The following SUFU variants were observed in gnomAD, a reference collection of about 807,000 sequenced individuals.
SUFU encodes SUFU negative regulator of hedgehog signaling.
A neutral mutation model predicts 58.9 loss-of-function variants in SUFU; 7 were observed. The observed-to-expected ratio is 0.12, with a 90% CI of 0.07 to 0.22. SUFU has a LOEUF of 0.22. SUFU is among the 10% of genes least tolerant of loss of function. The probability of loss-of-function intolerance (pLI) is 1.00; values close to 1 mark genes in which losing one functional copy is unlikely to be tolerated. For missense variants in SUFU, 451 were observed against 641.3 expected (o/e 0.70, Z 3.20); for synonymous variants, 232 against 254.8 (o/e 0.91, Z 0.85).
intron 8 of SUFU, among the ~76,000 whole-genome samples, chr10:102,610,731 A>G (rs1251959089): frequency 2.6e-5 from 4 of 152,228 alleles, no homozygotes; most frequent in Admixed American, 2.6e-4. Flanking sequence ...ATCTGAAGTC[A>G]GGAAGGAATG....
At chr10:102,518,581 C>A (rs1445326963) in intron 2 of SUFU, among the ~76,000 whole-genome samples, 1 of 146,146 alleles carries the variant, frequency 6.8e-6, no homozygotes, top group Admixed American at 6.7e-5. Context: ...GGGCCTGGCC[C>A]TCTCGCCCAG....
intron 7 of SUFU, 101 bp downstream of exon 7, chr10:102,597,394 A>G (rs2063474531): frequency 7.1e-7 from 1 of 1,413,496 alleles, no homozygotes; most frequent in Non-Finnish European, 9.5e-7. Context: ...AAAACAACCC[A>G]TTCAATAGTT....
chr10:102,597,194 G>T lies in SUFU; in HGVS notation c.811G>T (p.Ala271Ser), dbSNP rs762258680. 5.6e-6 allele frequency: 9 copies of T among 1,613,888 alleles called. No individual in the cohort carries two copies. The highest frequency in any genetic ancestry group is 7.6e-6 in the Non-Finnish European group (9 of 1,180,006). Reference protein sequence around the residue: ...TDGSNLSGVSAKCAWDDLSRP... With the variant: ...TDGSNLSGVSSKCAWDDLSRP... ...TGGCTCCAACCTGAGTGGTGTCAGT[G>T]CCAAGTGTGCCTGGGATGACCTGAG... The change falls in exon 7 of 12, where the codon GCC becomes TCC. Residue 271 changes from alanine (A) to serine (S), a missense_variant. Transcript: ENST00000369902.
chr10:102,530,447 CTTTTTTTT>C (rs34892390), intron 2 of SUFU, among the ~76,000 whole-genome samples: 2 of 113,470 alleles, frequency 1.8e-5, no homozygotes, highest in Admixed American at 9.3e-5. Context: ...TATTTTAAAT[CTTTTTTTT>C]TTTTTTTTTT....
chr10:102,549,214 A>G (rs2062884982), intron 2 of SUFU, among the ~76,000 whole-genome samples: 1 of 152,182 alleles, frequency 6.6e-6, no homozygotes, highest in African/African-American at 2.4e-5. Context: ...TGATATAAAG[A>G]CATACCTGAG....
chr10:102,618,974 G>GTGTGTGTGTGTGTT (rs1189739208), intron 10 of SUFU: 1 of 905,064 alleles, frequency 1.1e-6, no homozygotes, highest in Non-Finnish European at 1.8e-6. Context: ...GTGTGTGTGT[G>GTGTGTGTGTGTGTT]TGTGTAATGT....
intron 3 of SUFU, among the ~76,000 whole-genome samples, chr10:102,550,636 T>C (rs2062903091): frequency 6.6e-6 from 1 of 152,158 alleles, no homozygotes. Context: ...CTAGGCCCCA[T>C]TGCAGATGTC....
chr10:102,591,831 G>T (rs1397058799), intron 3 of SUFU, among the ~76,000 whole-genome samples: 1 of 152,112 alleles, frequency 6.6e-6, no homozygotes, highest in African/African-American at 2.4e-5. Context: ...TGGTTATGTG[G>T]CCTTAAACAA....
intron 2 of SUFU, among the ~76,000 whole-genome samples, chr10:102,513,977 C>G (rs766628419): frequency 7.2e-5 from 11 of 152,128 alleles, no homozygotes; most frequent in Non-Finnish European, 1.5e-4. Flanking sequence ...CTCAACCACT[C>G]TGGCTCAAAC....
chr10:102,553,732 G>A (rs372830462), intron 3 of SUFU, among the ~76,000 whole-genome samples: 1 of 152,014 alleles, frequency 6.6e-6, no homozygotes, highest in African/African-American at 2.4e-5. Context: ...CAAAGTGCTG[G>A]GATTACAGGC....
intron 3 of SUFU, among the ~76,000 whole-genome samples, chr10:102,571,523 AAAC>A (rs2063160754): frequency 2.0e-5 from 3 of 152,104 alleles, no homozygotes; most frequent in Non-Finnish European, 4.4e-5. Flanking sequence ...CAAACAAAAC[AAAC>A]AAACAAACAA....
Position 102,550,119 on chromosome 10 carries a change from G to C in SUFU, c.454+13G>C, listed in dbSNP as rs767665700. 3 of 1,614,122 alleles carry C rather than the reference G, an allele frequency of 1.9e-6. No homozygotes were observed. The South Asian group carries it at 3.3e-5, about 18-fold the overall frequency. On this transcript the variant is annotated intron_variant, in intron 3 of 11. Transcript: ENST00000369902. ...GTGTTCCAGTCAGGTAGGAGGCCAG[G>C]GCTGGCTGCTGTGCTGGTCCTTTTG...
At chr10:102,608,037 C>T (rs1214605273) in intron 8 of SUFU, among the ~76,000 whole-genome samples, 1 of 151,870 alleles carries the variant, frequency 6.6e-6, no homozygotes. Context: ...CCAGCCTGGC[C>T]AACATGATAA....
At chr10:102,616,603 C>T (rs1284222787) in intron 9 of SUFU, among the ~76,000 whole-genome samples, 2 of 152,262 alleles carry the variant, frequency 1.3e-5, no homozygotes, top group Non-Finnish European at 2.9e-5. Context: ...GGGCAGGTTC[C>T]ACTTCCTTTG....
At chr10:102,555,518 C>T (rs1246660944) in intron 3 of SUFU, among the ~76,000 whole-genome samples, 1 of 152,096 alleles carries the variant, frequency 6.6e-6, no homozygotes, top group Non-Finnish European at 1.5e-5. Context: ...TATTATATAG[C>T]TGAAAACATT....
At chr10:102,562,257 G>C (rs372066280) in intron 3 of SUFU, among the ~76,000 whole-genome samples, 7 of 152,228 alleles carry the variant, frequency 4.6e-5, no homozygotes, top group African/African-American at 1.4e-4. Context: ...AGGTGCGGTG[G>C]CTCACGCCTG....
chr10:102,569,524 C>G (rs1226828848), intron 3 of SUFU, among the ~76,000 whole-genome samples: 1 of 152,174 alleles, frequency 6.6e-6, no homozygotes. Flanking sequence ...TCTCTCCAAG[C>G]AGGTAGAAAT....
chr10:102,616,611 T>C (rs1007853693), intron 9 of SUFU, among the ~76,000 whole-genome samples: 6 of 152,250 alleles, frequency 3.9e-5, no homozygotes, highest in Non-Finnish European at 7.3e-5. Flanking sequence ...TCCACTTCCT[T>C]TGCTGATGAG....
chr10:102,580,509 G>T (rs774456001), intron 3 of SUFU, among the ~76,000 whole-genome samples: 2 of 152,082 alleles, frequency 1.3e-5, no homozygotes, highest in African/African-American at 2.4e-5. Flanking sequence ...GTATGGAGCC[G>T]GGTAGGCAGG....
Sources: allele counts gnomAD v4.1 joint callset (sites outside exome capture counted in the v4.1 genomes callset), GRCh38; gene constraint gnomAD v4.1.1; transcripts MANE v1.5; gene names NCBI Gene and HGNC (gene_info 2026-07-23, HGNC 2026-07-21).